SLC4A7: variants seen among roughly 807,000 people sequenced by gnomAD.
SLC4A7 encodes the protein solute carrier family 4 member 7, also known as sodium bicarbonate cotransporter 3.
In SLC4A7, 51 loss-of-function variants were observed where a neutral mutation model predicts 137.6. The ratio of observed to expected loss-of-function variants is 0.37; its 90% CI spans 0.30 to 0.47. SLC4A7 has a LOEUF of 0.47. Among genes scored for constraint, SLC4A7 ranks in the 20% least tolerant of loss-of-function variants. The probability of loss-of-function intolerance (pLI) is 1.00; values close to 1 mark genes in which losing one functional copy is unlikely to be tolerated. For missense variants in SLC4A7, 1,247 were observed against 1,525.4 expected (o/e 0.82, Z 3.04); for synonymous variants, 542 against 518.6 (o/e 1.05, Z -0.61).
chr3:27,455,856 CA>C (rs1022620815), intron 1 of SLC4A7, among the ~76,000 whole-genome samples: 13 of 148,614 alleles, frequency 8.7e-5, no homozygotes, highest in African/African-American at 2.7e-4. Context: ...GACCTTGTCT[CA>C]AAAAAAAACA....
At chr3:27,443,049 TGAG>T (rs2057337092) in intron 3 of SLC4A7, among the ~76,000 whole-genome samples, 1 of 145,926 alleles carries the variant, frequency 6.9e-6, no homozygotes, top group Non-Finnish European at 1.5e-5. Context: ...TTTTTTTTTT[TGAG>T]ATGGAGTTTC....
intron 25 of SLC4A7, among the ~76,000 whole-genome samples, chr3:27,378,399 C>A (rs1009606571): frequency 3.9e-5 from 6 of 152,118 alleles, no homozygotes; most frequent in Admixed American, 2.0e-4. Flanking sequence ...CTCACACAAA[C>A]TGTACATAAA....
chr3:27,428,585 T>A (rs1260287283), intron 7 of SLC4A7, among the ~76,000 whole-genome samples: 2 of 152,202 alleles, frequency 1.3e-5, no homozygotes, highest in Non-Finnish European at 2.9e-5. Flanking sequence ...GTTTACTTCA[T>A]AATGATAGGA....
chr3:27,414,873 G>A (rs2054236209), intron 11 of SLC4A7, among the ~76,000 whole-genome samples: 3 of 152,136 alleles, frequency 2.0e-5, no homozygotes, highest in Admixed American at 6.5e-5. Flanking sequence ...TTCCTTGAGT[G>A]GCTCTGCTGT....
chr3:27,457,787 T>TTTG (rs2058489785), intron 1 of SLC4A7, among the ~76,000 whole-genome samples: 1 of 152,132 alleles, frequency 6.6e-6, no homozygotes, highest in Non-Finnish European at 1.5e-5. Context: ...TCACCAACAA[T>TTTG]CTCATAAGTC....
intron 13 of SLC4A7, among the ~76,000 whole-genome samples, chr3:27,406,180 A>G (rs935737083): frequency 6.6e-6 from 1 of 152,218 alleles, no homozygotes; most frequent in Non-Finnish European, 1.5e-5. Context: ...CTAGGTGTTC[A>G]GCCATGGCCA....
intron 3 of SLC4A7, among the ~76,000 whole-genome samples, chr3:27,441,251 C>T (rs962038248): frequency 6.6e-6 from 1 of 152,136 alleles, no homozygotes; most frequent in Non-Finnish European, 1.5e-5. Context: ...TCCATATGCA[C>T]AAAAATATTT....
chr3:27,449,175 C>G (rs1246453046), intron 2 of SLC4A7, among the ~76,000 whole-genome samples: 1 of 151,964 alleles, frequency 6.6e-6, no homozygotes, highest in Non-Finnish European at 1.5e-5. Flanking sequence ...GCTGGGATTA[C>G]AGGTATGAGC....
intron 18 of SLC4A7, 104 bp downstream of exon 18, chr3:27,397,580 G>A (rs902655248): frequency 1.5e-6 from 1 of 655,944 alleles, no homozygotes; most frequent in South Asian, 1.9e-5. Flanking sequence ...GCCCTTCAAA[G>A]AGACTACATA....
At chr3:27,448,862 G>C in intron 2 of SLC4A7, 65 bp from the exon 3 acceptor site, 2 of 1,201,582 alleles carry the variant, frequency 1.7e-6, no homozygotes, top group Non-Finnish European at 2.3e-6. Flanking sequence ...ATATACAAAA[G>C]TACTCCAAAA....
chr3:27,397,482 T>C, intron 18 of SLC4A7, among the ~76,000 whole-genome samples: 1 of 152,184 alleles, frequency 6.6e-6, no homozygotes, highest in Non-Finnish European at 1.5e-5. Context: ...GTGATACTTT[T>C]AAGTTCACAT....
intron 1 of SLC4A7, among the ~76,000 whole-genome samples, chr3:27,456,101 A>G (rs1320817576): frequency 6.6e-6 from 1 of 152,190 alleles, no homozygotes; most frequent in African/African-American, 2.4e-5. Context: ...GACACTTAAC[A>G]TGCCAAAAGC....
At chr3:27,412,843 C>T (rs1357321768) in intron 11 of SLC4A7, among the ~76,000 whole-genome samples, 2 of 151,074 alleles carry the variant, frequency 1.3e-5, no homozygotes, top group African/African-American at 2.4e-5. Context: ...AAAGCACATT[C>T]AAGAAAATTA....
At position 27,484,051 on chromosome 3, in the gene SLC4A7, G is replaced by C; in HGVS notation, c.60+16C>G. ...CCTCCCCCTGCGGAGGAGCCCCACC[G>C]CCGCGGCGCCCTCACCCTGCTCGTT... On this transcript the variant is annotated intron_variant, in intron 1 of 25. Coordinates refer to ENST00000454389, the MANE Select transcript of SLC4A7 (RefSeq NM_001321103.2). The C allele has an allele frequency of 1.4e-6, 2 of 1,392,192 alleles. No homozygotes were observed. The allele number at this position is 1,392,192 out of a possible 1,614,324, so 86.2% of individuals were successfully genotyped here. A position where few individuals can be genotyped will look rare whatever the true frequency, so the allele number is the denominator to read the frequency against.
chr3:27,426,210 T>C (rs1247541132), intron 7 of SLC4A7, among the ~76,000 whole-genome samples: 2 of 152,224 alleles, frequency 1.3e-5, no homozygotes, highest in Non-Finnish European at 2.9e-5. Context: ...ATTTGCAATC[T>C]ATTTAGCCAT....
At chr3:27,393,613 G>A (rs2051820334) in intron 20 of SLC4A7, among the ~76,000 whole-genome samples, 1 of 152,094 alleles carries the variant, frequency 6.6e-6, no homozygotes, top group East Asian at 1.9e-4. Context: ...GTATATTTCT[G>A]CCTCCCTGCA....
chr3:27,418,832 A>G (rs534257507), intron 10 of SLC4A7, among the ~76,000 whole-genome samples, 200 bp from the exon 11 acceptor site: 1 of 152,332 alleles, frequency 6.6e-6, no homozygotes, highest in East Asian at 1.9e-4. Context: ...TAACAATAAC[A>G]AACAATGAAA....
At chr3:27,414,996 C>A (rs765609032) in intron 11 of SLC4A7, among the ~76,000 whole-genome samples, 1 of 152,174 alleles carries the variant, frequency 6.6e-6, no homozygotes, top group African/African-American at 2.4e-5. Flanking sequence ...GTGCCTTCAA[C>A]GGTGTAATCC....
intron 24 of SLC4A7, among the ~76,000 whole-genome samples, chr3:27,379,822 A>T (rs895898700): frequency 2.6e-5 from 4 of 152,330 alleles, no homozygotes; most frequent in Middle Eastern, 3.4e-3. Flanking sequence ...TATGATTTTT[A>T]AAATCTTATT....
Sources: allele counts gnomAD v4.1 joint callset (sites outside exome capture counted in the v4.1 genomes callset), GRCh38; gene constraint gnomAD v4.1.1; transcripts MANE v1.5; gene names NCBI Gene and HGNC (gene_info 2026-07-23, HGNC 2026-07-21).